PDE7B: variants seen among roughly 807,000 people sequenced by gnomAD.
PDE7B encodes the protein 3',5'-cyclic-AMP phosphodiesterase 7B.
Under a neutral mutation model 56.2 loss-of-function variants are expected in PDE7B, and 29 were observed. The ratio of observed to expected loss-of-function variants is 0.52; its 90% confidence interval spans 0.38 to 0.70. The LOEUF is 0.70. Ranked by LOEUF, PDE7B falls within the 30% of genes least tolerant of loss-of-function variation. The pLI, the probability that PDE7B is intolerant of heterozygous loss-of-function variation, is 0.00. For missense variants in PDE7B, 490 were observed against 565.0 expected (o/e 0.87, Z 1.35); for synonymous variants, 197 against 196.9 (o/e 1.00, Z 0.00).
At chr6:135,995,997 G>T (rs759158569) in intron 2 of PDE7B, among the ~76,000 whole-genome samples, 1 of 152,198 alleles carries the variant, frequency 6.6e-6, no homozygotes, top group South Asian at 2.1e-4. Flanking sequence ...GAAGGAGAGA[G>T]AGTTGGTGCT....
intron 2 of PDE7B, among the ~76,000 whole-genome samples, chr6:136,085,539 A>G (rs1013515761): frequency 6.6e-6 from 1 of 152,200 alleles, no homozygotes; most frequent in African/African-American, 2.4e-5. Flanking sequence ...CTGAGTGTTC[A>G]GAGAAACAGC....
chr6:135,884,581 T>C (rs1455340279), intron 1 of PDE7B, among the ~76,000 whole-genome samples: 2 of 152,178 alleles, frequency 1.3e-5, no homozygotes, highest in Non-Finnish European at 2.9e-5. Flanking sequence ...CCAAATCCCA[T>C]AACACTTGCT....
At chr6:135,916,219 TTTGTTG>T (rs200105090) in intron 1 of PDE7B, among the ~76,000 whole-genome samples, 1 of 148,532 alleles carries the variant, frequency 6.7e-6, no homozygotes, top group African/African-American at 2.6e-5. Context: ...TTTCTTCTGT[TTTGTTG>T]TTGTTGTTGT....
chr6:136,135,399 C>T (rs1778194855), intron 3 of PDE7B, among the ~76,000 whole-genome samples: 1 of 151,918 alleles, frequency 6.6e-6, no homozygotes, highest in Non-Finnish European at 1.5e-5. Context: ...CTATTAAAAA[C>T]TAAGCCTAGC....
intron 3 of PDE7B, among the ~76,000 whole-genome samples, chr6:136,112,121 C>T (rs1035367299): frequency 5.3e-5 from 8 of 151,988 alleles, no homozygotes; most frequent in Admixed American, 2.6e-4. Context: ...CACTGGAGCA[C>T]GCAAGAGCAG....
At chr6:135,858,309 C>T (rs890209330) in intron 1 of PDE7B, among the ~76,000 whole-genome samples, 7 of 151,954 alleles carry the variant, frequency 4.6e-5, no homozygotes, top group Non-Finnish European at 1.0e-4. Context: ...TGCACCACCA[C>T]ACCTGGCTAA....
At chr6:136,100,481 T>A (rs1195172675) in intron 2 of PDE7B, among the ~76,000 whole-genome samples, 1 of 152,208 alleles carries the variant, frequency 6.6e-6, no homozygotes, top group Admixed American at 6.5e-5. Context: ...CTTGAAGAGG[T>A]CCTTCACATC....
intron 2 of PDE7B, among the ~76,000 whole-genome samples, chr6:136,103,252 T>C (rs1244381906): frequency 6.6e-6 from 1 of 152,174 alleles, no homozygotes; most frequent in Admixed American, 6.5e-5. Flanking sequence ...AGGGGAAATT[T>C]GGGTCTAATC....
At position 136,194,473 on chromosome 6, in the gene PDE7B, C is replaced by T. The variant is rs1042998378; in HGVS notation, c.*2633C>T. The T allele has an allele frequency of 6.6e-6, 1 of 152,160 alleles. No homozygotes were observed. The allele number at this position is 152,160 out of a possible 1,614,324, so 9.4% of individuals were successfully genotyped here. A position where few individuals can be genotyped will look rare whatever the true frequency, so the allele number is the denominator to read the frequency against. The stretch of plus-strand genomic sequence containing the variant: ...GCATAAACTTGATGCAGCTGCCTCC[C>T]TCATTCAACTGGGGAGTTCTTGAGT... On this transcript the variant is annotated 3_prime_UTR_variant, in exon 13 of 13. Transcript: ENST00000308191.
At chr6:136,106,186 T>C (rs779744184) in intron 2 of PDE7B, among the ~76,000 whole-genome samples, 3 of 152,236 alleles carry the variant, frequency 2.0e-5, no homozygotes, top group African/African-American at 4.8e-5. Flanking sequence ...ATAAAATCTA[T>C]ACAGTCTCCT....
At chr6:136,173,682 G>A (rs996196720) in intron 8 of PDE7B, 115 bp from the exon 9 acceptor site, 1 of 710,054 alleles carries the variant, frequency 1.4e-6, no homozygotes, top group South Asian at 1.6e-5. Flanking sequence ...TCTGCCTCTG[G>A]GTCATCAAGT....
At position 136,135,681 on chromosome 6, in the gene PDE7B, T is replaced by A. The variant is rs180924319; in HGVS notation, c.167-11670T>A. On this transcript the variant is annotated intron_variant, in intron 3 of 12. Coordinates refer to ENST00000308191, the MANE Select transcript of PDE7B (RefSeq NM_018945.4). The stretch of plus-strand genomic sequence containing the variant: ...AGACTGGGGGAGTCATAGTATTTTA[T>A]TTTAAAAGGTTTTCTGGCAGCTATT... Among the ~76,000 whole-genome samples, 22 of 152,196 alleles carry A rather than the reference T, an allele frequency of 1.4e-4. 1 individual carries two copies. Among genetic ancestry groups the A allele is most frequent in the African/African-American group, 4.8e-4 (20 of 41,562 alleles).
intron 1 of PDE7B, among the ~76,000 whole-genome samples, chr6:135,904,801 T>C (rs1339787972): frequency 1.3e-5 from 2 of 152,184 alleles, no homozygotes; most frequent in African/African-American, 4.8e-5. Context: ...GCCATTCCTA[T>C]CCATCCTGCA....
intron 1 of PDE7B, among the ~76,000 whole-genome samples, chr6:135,919,982 C>T (rs750071123): frequency 3.2e-4 from 48 of 152,100 alleles, no homozygotes; most frequent in Admixed American, 6.6e-4. Flanking sequence ...ATATTGCTAT[C>T]CTTATTTTAT....
chr6:136,175,296 T>C (rs965860995), intron 9 of PDE7B, among the ~76,000 whole-genome samples: 3 of 152,236 alleles, frequency 2.0e-5, no homozygotes, highest in African/African-American at 7.2e-5. Context: ...TTATTCCTTC[T>C]ATCACAGGTA....
chr6:136,062,342 T>C (rs565521096), intron 2 of PDE7B, among the ~76,000 whole-genome samples: 2 of 152,296 alleles, frequency 1.3e-5, no homozygotes, highest in East Asian at 3.9e-4. Context: ...TCACCTCACA[T>C]AGTTACCTTT....
chr6:135,865,837 TAAG>T (rs560248481), intron 1 of PDE7B, among the ~76,000 whole-genome samples: 101 of 152,164 alleles, frequency 6.6e-4, no homozygotes, highest in Non-Finnish European at 1.3e-3. Flanking sequence ...TGGCACTTAA[TAAG>T]AAGTCTGCAG....
intron 1 of PDE7B, among the ~76,000 whole-genome samples, chr6:135,880,127 C>A (rs181947360): frequency 6.6e-6 from 1 of 152,240 alleles, no homozygotes; most frequent in African/African-American, 2.4e-5. Context: ...AAACCACATC[C>A]TGACATTGCT....
intron 2 of PDE7B, among the ~76,000 whole-genome samples, chr6:136,102,277 TG>T (rs1464068604): frequency 8.1e-6 from 1 of 124,152 alleles, no homozygotes; most frequent in Non-Finnish European, 1.7e-5. Flanking sequence ...AGGGGGTGGG[TG>T]GGGGTTTGGG....
Sources: allele counts gnomAD v4.1 joint callset (sites outside exome capture counted in the v4.1 genomes callset), GRCh38; gene constraint gnomAD v4.1.1; transcripts MANE v1.5; gene names NCBI Gene and HGNC (gene_info 2026-07-23, HGNC 2026-07-21).